SOX5: variants seen among roughly 807,000 people sequenced by gnomAD.
SOX5 encodes the protein SRY-box transcription factor 5, also known as transcription factor SOX-5.
In SOX5, 9 loss-of-function variants were observed where a neutral mutation model predicts 92.0. The observed-to-expected ratio is 0.10, with a 90% CI of 0.06 to 0.17. The LOEUF is 0.17. Among genes scored for constraint, SOX5 ranks in the 10% least tolerant of loss-of-function variants. The pLI, the probability that SOX5 is intolerant of heterozygous loss-of-function variation, is 1.00. For missense variants in SOX5, 642 were observed against 944.5 expected, an observed-to-expected ratio of 0.68 and a Z score of 4.20; for synonymous variants, 344 against 336.3, an observed-to-expected ratio of 1.02 and a Z score of -0.25.
intron 4 of SOX5, among the ~76,000 whole-genome samples, chr12:24,077,748 G>T (rs1016726634): frequency 2.1e-5 from 3 of 139,564 alleles, no homozygotes; most frequent in Non-Finnish European, 4.6e-5. Context: ...ATACAAGGTG[G>T]TACTTCTCTT....
In SOX5 at chr12:23,531,741, C is replaced by A. The variant is rs185348679; in HGVS notation, c.*2478G>T. The A allele has an allele frequency of 6.6e-6, 1 of 151,928 alleles. No individual in the cohort carries two copies. Among genetic ancestry groups the A allele is most frequent in the Non-Finnish European group, 1.5e-5 (1 of 67,934 alleles). 9.4% of individuals were successfully genotyped at this position (151,928 alleles called of 1,614,324 possible). A position where few individuals can be genotyped will look rare whatever the true frequency, so the allele number is the denominator to read the frequency against. On this transcript the variant is annotated 3_prime_UTR_variant, in exon 15 of 15. Coordinates refer to ENST00000451604, the MANE Select transcript of SOX5 (RefSeq NM_006940.6). ...CTAGATGACTGTGGCAATTAAATAACTAAAATGAGTGATGAGAGCATAAGT... is the reference window on the plus strand; with the variant it reads ...CTAGATGACTGTGGCAATTAAATAAATAAAATGAGTGATGAGAGCATAAGT...
At chr12:23,742,483 A>T (rs1253940247) in intron 4 of SOX5, among the ~76,000 whole-genome samples, 2 of 152,192 alleles carry the variant, frequency 1.3e-5, no homozygotes, top group Non-Finnish European at 2.9e-5. Context: ...AATAATAGCC[A>T]CATGACTATT....
At chr12:24,356,546 A>C (rs1307178083) in intron 2 of SOX5, among the ~76,000 whole-genome samples, 1 of 152,084 alleles carries the variant, frequency 6.6e-6, no homozygotes, top group African/African-American at 2.4e-5. Context: ...TGATGTATGC[A>C]TTCATCTCTT....
At chr12:24,178,183 C>G (rs1955037911) in intron 4 of SOX5, among the ~76,000 whole-genome samples, 2 of 151,610 alleles carry the variant, frequency 1.3e-5, no homozygotes, top group Admixed American at 6.6e-5. Context: ...CTTGAGATCC[C>G]ATCGGCCAAC....
At chr12:24,458,322 T>C (rs557381345) in intron 1 of SOX5, among the ~76,000 whole-genome samples, 46 of 152,312 alleles carry the variant, frequency 3.0e-4, no homozygotes, top group African/African-American at 1.0e-3. Context: ...CAGTGTCTTC[T>C]CTAAAAACTC....
intron 6 of SOX5, among the ~76,000 whole-genome samples, chr12:23,726,153 GA>G (rs2093113962): frequency 2.2e-5 from 1 of 44,890 alleles, no homozygotes; most frequent in African/African-American, 6.2e-5. Flanking sequence ...GAGAGAGAGA[GA>G]GAGAGAGAGA....
chr12:23,846,651 C>T (rs201119192), intron 2 of SOX5, among the ~76,000 whole-genome samples: 3 of 143,440 alleles, frequency 2.1e-5, no homozygotes, highest in Admixed American at 7.6e-5. Context: ...AAACAAATAT[C>T]ATTACACACA....
rs76518911 is a variant in SOX5 at position 23,560,536 on chromosome 12, T to C, written c.1488+2722A>G. Among the ~76,000 whole-genome samples the C allele has an allele frequency of 7.7e-3, 1,175 of 152,306 alleles. 22 individuals carry two copies. The highest frequency in any genetic ancestry group is 0.026 in the African/African-American group (1,094 of 41,562). ...CATGCTAAGCAATATGGAGTCTTTA[T>C]TCAATTCCTATAGGTGGGCTCACAC... On this transcript the variant is annotated intron_variant, in intron 11 of 14. Coordinates refer to ENST00000451604, the MANE Select transcript of SOX5 (RefSeq NM_006940.6).
intron 6 of SOX5, among the ~76,000 whole-genome samples, chr12:23,666,135 G>A (rs1043903319): frequency 4.0e-5 from 6 of 150,476 alleles, no homozygotes; most frequent in Middle Eastern, 3.2e-3. Flanking sequence ...TTTAATAGAA[G>A]AGGTAAGTAG....
At chr12:24,145,574 G>A (rs1054309195) in intron 4 of SOX5, among the ~76,000 whole-genome samples, 11 of 152,158 alleles carry the variant, frequency 7.2e-5, no homozygotes, top group African/African-American at 2.2e-4. Context: ...TCGGCTCACT[G>A]CAGCCTCAAC....
chr12:23,903,823 A>G (rs2097262787), intron 1 of SOX5, among the ~76,000 whole-genome samples: 1 of 152,204 alleles, frequency 6.6e-6, no homozygotes, highest in Admixed American at 6.5e-5. Context: ...TTAGGAATTA[A>G]ACTTTACTGT....
intron 4 of SOX5, among the ~76,000 whole-genome samples, chr12:24,093,522 C>CA (rs747562605): frequency 0.017 from 2,061 of 118,666 alleles, 32 homozygotes; most frequent in African/African-American, 0.048. Context: ...GACTCCGTCT[C>CA]AAAAAAAAAA....
chr12:23,762,929 T>G (rs1189574034), intron 3 of SOX5, among the ~76,000 whole-genome samples: 1 of 152,164 alleles, frequency 6.6e-6, no homozygotes, highest in African/African-American at 2.4e-5. Context: ...AAATCATTCT[T>G]TCATCCACTC....
intron 4 of SOX5, among the ~76,000 whole-genome samples, chr12:24,106,909 T>G (rs1946759978): frequency 6.6e-6 from 1 of 151,592 alleles, no homozygotes; most frequent in Non-Finnish European, 1.5e-5. Flanking sequence ...GATTATAAAT[T>G]TGATTAGCTG....
intron 4 of SOX5, among the ~76,000 whole-genome samples, chr12:24,049,402 T>C (rs1401255083): frequency 6.6e-6 from 1 of 152,210 alleles, no homozygotes; most frequent in Non-Finnish European, 1.5e-5. Flanking sequence ...ATTTGAGAGT[T>C]GTGTAGACAG....
chr12:24,521,633 AT>A (rs1950271646), intron 1 of SOX5, among the ~76,000 whole-genome samples: 1 of 152,242 alleles, frequency 6.6e-6, no homozygotes, highest in Non-Finnish European at 1.5e-5. Flanking sequence ...ATGGAGTGAA[AT>A]TAGAAATCAA....
At chr12:23,773,619 G>A (rs895459262) in intron 3 of SOX5, among the ~76,000 whole-genome samples, 7 of 151,960 alleles carry the variant, frequency 4.6e-5, no homozygotes, top group Admixed American at 6.6e-5. Flanking sequence ...TGATCCGCCC[G>A]CCTCAGCCTC....
chr12:23,686,147 A>G (rs182756594), intron 6 of SOX5, among the ~76,000 whole-genome samples: 1 of 152,292 alleles, frequency 6.6e-6, no homozygotes, highest in Admixed American at 6.5e-5. Context: ...GCAGTCTATA[A>G]AAAGAGAATG....
intron 6 of SOX5, among the ~76,000 whole-genome samples, chr12:23,692,588 T>C (rs192873463): frequency 7.9e-5 from 12 of 152,352 alleles, no homozygotes; most frequent in Non-Finnish European, 5.9e-5. Context: ...ATTTTAAAAT[T>C]ATATTCTGTA....
Sources: allele counts gnomAD v4.1 joint callset (sites outside exome capture counted in the v4.1 genomes callset), GRCh38; gene constraint gnomAD v4.1.1; transcripts MANE v1.5; gene names NCBI Gene and HGNC (gene_info 2026-07-23, HGNC 2026-07-21).